The following ATOSA variants were observed in gnomAD, a reference collection of about 807,000 sequenced individuals.
ATOSA encodes atos homolog protein A.
chr15:52,603,854 A>T, the ATOSA span, among the ~76,000 whole-genome samples: 1 of 152,158 alleles, frequency 6.6e-6, no homozygotes, highest in African/African-American at 2.4e-5. Context: ...GGAGGGATAA[A>T]GTGGGAATGG....
chr15:52,610,236 C>G, the ATOSA span: 4 of 1,613,870 alleles, frequency 2.5e-6, no homozygotes, highest in Non-Finnish European at 3.4e-6. Context: ...GAATACTGCA[C>G]GTCAAAACTG....
the ATOSA span, among the ~76,000 whole-genome samples, chr15:52,647,359 G>A: frequency 6.6e-6 from 1 of 152,186 alleles, no homozygotes; most frequent in Non-Finnish European, 1.5e-5. Flanking sequence ...TGAAAATACT[G>A]TGGTCAGTTG....
chr15:52,661,611 A>C, the ATOSA span, among the ~76,000 whole-genome samples: 1 of 152,186 alleles, frequency 6.6e-6, no homozygotes, highest in East Asian at 1.9e-4. Flanking sequence ...TTTAAAGTGG[A>C]TTTAATATGT....
chr15:52,611,866 C>T, the ATOSA span: 1 of 1,217,878 alleles, frequency 8.2e-7, no homozygotes, highest in Non-Finnish European at 1.1e-6. Flanking sequence ...AAGTAGACAT[C>T]TGTGTGAGAA....
chr15:52,645,768 G>C, the ATOSA span, among the ~76,000 whole-genome samples: 2 of 152,078 alleles, frequency 1.3e-5, no homozygotes, highest in East Asian at 1.9e-4. Context: ...ACTATTCTTT[G>C]TGGGAATATT....
the ATOSA span, among the ~76,000 whole-genome samples, chr15:52,692,232 T>G: frequency 6.6e-6 from 1 of 152,200 alleles, no homozygotes; most frequent in Admixed American, 6.5e-5. Context: ...CATTATAAAA[T>G]GTATTAACAC....
the ATOSA span, among the ~76,000 whole-genome samples, chr15:52,672,172 CAAAAAAAAA>C: frequency 6.1e-4 from 38 of 62,588 alleles, 1 homozygote; most frequent in Admixed American, 1.9e-3. Flanking sequence ...CCCCATTTCT[CAAAAAAAAA>C]AAAAAAAAAA....
chr15:52,660,584 A>C, the ATOSA span, among the ~76,000 whole-genome samples: 4 of 152,210 alleles, frequency 2.6e-5, no homozygotes, highest in African/African-American at 9.7e-5. Flanking sequence ...TTACGCACTG[A>C]AGAAATGCTA....
At chr15:52,592,244 G>C in the ATOSA span, among the ~76,000 whole-genome samples, 1 of 152,134 alleles carries the variant, frequency 6.6e-6, no homozygotes, top group Non-Finnish European at 1.5e-5. Context: ...GGGCCAGATA[G>C]TAAGTTAGGA....
At chr15:52,606,104 G>A in the ATOSA span, among the ~76,000 whole-genome samples, 41 of 152,112 alleles carry the variant, frequency 2.7e-4, no homozygotes, top group Admixed American at 1.4e-3. Flanking sequence ...AAAGGAAACC[G>A]TGGATAAGGG....
the ATOSA span, among the ~76,000 whole-genome samples, chr15:52,643,044 C>T: frequency 2.0e-5 from 3 of 152,070 alleles, no homozygotes; most frequent in African/African-American, 7.2e-5. Context: ...TCATTCTCTC[C>T]CAGGGCCACC....
chr15:52,613,688 A>G, the ATOSA span: 1 of 1,613,806 alleles, frequency 6.2e-7, no homozygotes, highest in South Asian at 1.1e-5. Flanking sequence ...CCAGCTTGTC[A>G]CTACATTCAT....
the ATOSA span, among the ~76,000 whole-genome samples, chr15:52,666,478 T>G: frequency 0.01 from 1,550 of 152,314 alleles, 25 homozygotes; most frequent in African/African-American, 0.036. Context: ...GGAGTTCATG[T>G]ATAACATCTC....
At chr15:52,678,145 T>C in the ATOSA span, 1 of 1,207,938 alleles carries the variant, frequency 8.3e-7, no homozygotes, top group Non-Finnish European at 1.2e-6. Flanking sequence ...AAAATAAAAT[T>C]AATCTGGCCC....
At chr15:52,677,808 G>C in the ATOSA span, among the ~76,000 whole-genome samples, 1 of 152,192 alleles carries the variant, frequency 6.6e-6, no homozygotes, top group Non-Finnish European at 1.5e-5. Context: ...TGCTTCAGAA[G>C]CACTTTTGTA....
the ATOSA span, among the ~76,000 whole-genome samples, chr15:52,622,413 C>T: frequency 6.6e-6 from 1 of 152,144 alleles, no homozygotes; most frequent in Non-Finnish European, 1.5e-5. Context: ...AAGAATGGGA[C>T]TCTCAGTTAA....
the ATOSA span, chr15:52,587,117 T>A: frequency 6.2e-7 from 1 of 1,612,398 alleles, no homozygotes; most frequent in Non-Finnish European, 8.5e-7. Flanking sequence ...TGTGAGAGAA[T>A]GATTATTGCA....
chr15:52,664,537 C>T, the ATOSA span, among the ~76,000 whole-genome samples: 1 of 152,202 alleles, frequency 6.6e-6, no homozygotes, highest in Non-Finnish European at 1.5e-5. Flanking sequence ...TTACTAAACT[C>T]ACCCAGCTAG....
At chr15:52,626,637 A>G in the ATOSA span, among the ~76,000 whole-genome samples, 1 of 152,138 alleles carries the variant, frequency 6.6e-6, no homozygotes, top group Non-Finnish European at 1.5e-5. Context: ...TCAGAGAGGT[A>G]AAGTGACTTG....
Sources: allele counts gnomAD v4.1 joint callset (sites outside exome capture counted in the v4.1 genomes callset), GRCh38; gene constraint gnomAD v4.1.1; transcripts MANE v1.5; gene names NCBI Gene and HGNC (gene_info 2026-07-23, HGNC 2026-07-21).